ITCH: variants seen among roughly 807,000 people sequenced by gnomAD.
ITCH encodes the protein E3 ubiquitin-protein ligase Itchy homolog.
In ITCH, 28 loss-of-function variants were observed where a neutral mutation model predicts 126.8. The observed-to-expected ratio is 0.22, with a 90% CI of 0.16 to 0.30. The LOEUF is 0.30. Ranked by LOEUF, ITCH falls within the 10% of genes least tolerant of loss-of-function variation. The pLI is 1.00. For synonymous variants in ITCH, 342 were observed against 340.0 expected, an observed-to-expected ratio of 1.01 and a Z score of -0.06; for missense variants, 631 against 1,032.4, an observed-to-expected ratio of 0.61 and a Z score of 5.33.
intron 20 of ITCH, among the ~76,000 whole-genome samples, chr20:34,488,273 T>G (rs1167298826): frequency 6.6e-6 from 1 of 152,000 alleles, no homozygotes; most frequent in Non-Finnish European, 1.5e-5. Flanking sequence ...GAAAACATCT[T>G]TATTTCACCT....
At chr20:34,414,300 C>T (rs867304501) in intron 6 of ITCH, among the ~76,000 whole-genome samples, 5 of 151,914 alleles carry the variant, frequency 3.3e-5, no homozygotes, top group South Asian at 2.1e-4. Context: ...ATCACATTTG[C>T]CTCCATGAGT....
intron 14 of ITCH, among the ~76,000 whole-genome samples, chr20:34,462,494 C>T (rs963910968): frequency 2.0e-5 from 3 of 152,156 alleles, no homozygotes; most frequent in African/African-American, 7.2e-5. Flanking sequence ...TCTCTGATTT[C>T]TGATTTTCAG....
At chr20:34,405,141 CAA>C (rs1170286039) in intron 3 of ITCH, among the ~76,000 whole-genome samples, 17 of 58,216 alleles carry the variant, frequency 2.9e-4, no homozygotes, top group East Asian at 6.0e-4. Context: ...GACCCTGTCT[CAA>C]AAAAAAAAAA....
Position 34,489,251 on chromosome 20 carries a change from A to G in ITCH, c.2094-15A>G, listed in dbSNP as rs199791676. On this transcript the variant is annotated splice_polypyrimidine_tract_variant and intron_variant, in intron 20 of 24. Transcript: ENST00000374864. Reference sequence around the variant, plus strand: ...TCTAAACTTCCTGATAGGTTTTTTCATATTTGTTTGCCAGAATGGTAGCTG... The same window carrying G: ...TCTAAACTTCCTGATAGGTTTTTTCGTATTTGTTTGCCAGAATGGTAGCTG... 6 of 1,612,032 alleles carry G rather than the reference A, an allele frequency of 3.7e-6. No homozygotes were observed. Among genetic ancestry groups the G allele is most frequent in the South Asian group, 1.1e-5 (1 of 91,010 alleles).
intron 3 of ITCH, among the ~76,000 whole-genome samples, chr20:34,396,616 G>A (rs765878814): frequency 4.7e-5 from 7 of 150,522 alleles, no homozygotes; most frequent in Admixed American, 1.3e-4. Flanking sequence ...TGAAGTGATC[G>A]TGCCACCTCA....
intron 2 of ITCH, among the ~76,000 whole-genome samples, chr20:34,375,150 T>G (rs1293686031): frequency 1.3e-5 from 2 of 150,182 alleles, no homozygotes; most frequent in African/African-American, 4.9e-5. Context: ...CAAGCAATTC[T>G]CCTGCCTCAG....
At chr20:34,383,100 G>A (rs1029253259) in intron 2 of ITCH, among the ~76,000 whole-genome samples, 9 of 151,972 alleles carry the variant, frequency 5.9e-5, no homozygotes, top group Non-Finnish European at 8.8e-5. Context: ...GGAATGCAGT[G>A]GCATGATCAT....
intron 7 of ITCH, among the ~76,000 whole-genome samples, chr20:34,428,681 G>T (rs990832655): frequency 1.3e-5 from 2 of 152,042 alleles, no homozygotes; most frequent in African/African-American, 4.8e-5. Context: ...GCCTCCCGAA[G>T]TGTTGGGATT....
intron 1 of ITCH, among the ~76,000 whole-genome samples, chr20:34,367,402 G>C (rs948088769): frequency 3.3e-5 from 5 of 152,196 alleles, no homozygotes; most frequent in Non-Finnish European, 7.3e-5. Context: ...CCTCTAAAAA[G>C]TATTGATCTA....
rs1978824536 is a variant in ITCH at position 34,511,684 on chromosome 20, T to C, written c.*3890T>C. On this transcript the variant is annotated 3_prime_UTR_variant, in exon 25 of 25. Transcript: ENST00000374864. Reference sequence around the variant, plus strand: ...GCCTGGAAATGATCCCAAGACCAACTCAAAACTACAAAGTTTTCCAGAGCT... The same window carrying C: ...GCCTGGAAATGATCCCAAGACCAACCCAAAACTACAAAGTTTTCCAGAGCT... Among the ~76,000 whole-genome samples, 1 of 152,224 alleles carries C rather than the reference T, an allele frequency of 6.6e-6. No individual in the cohort carries two copies. Among genetic ancestry groups the C allele is most frequent in the Non-Finnish European group, 1.5e-5 (1 of 68,022 alleles).
At chr20:34,441,943 G>A (rs1983813822) in intron 9 of ITCH, 1 of 442,944 alleles carries the variant, frequency 2.3e-6, no homozygotes, top group Non-Finnish European at 4.2e-6. Flanking sequence ...CGGTATCCTA[G>A]GTAGACGGAC....
rs1166352665 is a variant in ITCH at position 34,503,898 on chromosome 20, T to TC, written c.2417-433_2417-432insC. ...TTTTTTTTTTTGGTTTTTTTTTTTT[T>TC]TGAGATAGGGTCTCGTTCTGTCACC... On this transcript the variant is annotated intron_variant, in intron 23 of 24. Transcript: ENST00000374864. Among the ~76,000 whole-genome samples, 4 of 148,446 alleles carry TC rather than the reference T, an allele frequency of 2.7e-5. 1 individual carries two copies. Among genetic ancestry groups the TC allele is most frequent in the Admixed American group, 6.7e-5 (1 of 14,980 alleles).
At chr20:34,435,342 T>C (rs528432459) in intron 7 of ITCH, among the ~76,000 whole-genome samples, 14 of 152,280 alleles carry the variant, frequency 9.2e-5, no homozygotes, top group African/African-American at 2.9e-4. Context: ...CTAATTTTTG[T>C]ATTTTTAGTA....
chr20:34,454,438 A>G (rs576597419), intron 12 of ITCH: 5 of 152,132 alleles, frequency 3.3e-5, no homozygotes, highest in African/African-American at 9.6e-5. Context: ...CGCCCGGCCT[A>G]TGTTTTTCTT....
chr20:34,373,533 C>T (rs918631201), intron 2 of ITCH, among the ~76,000 whole-genome samples: 2 of 152,152 alleles, frequency 1.3e-5, no homozygotes, highest in Non-Finnish European at 2.9e-5. Context: ...GCCTTGGCCT[C>T]CCAAAGTGCT....
Position 34,470,566 on chromosome 20 carries a change from A to G in ITCH, c.1497+446A>G, listed in dbSNP as rs753126951. 7.9e-5 allele frequency among the ~76,000 whole-genome samples: 12 copies of G among 152,216 alleles called. No homozygotes were observed. The East Asian group carries it at 1.9e-3, about 24-fold the overall frequency. On this transcript the variant is annotated intron_variant, in intron 15 of 24. Coordinates refer to ENST00000374864, the MANE Select transcript of ITCH (RefSeq NM_031483.7). ...CAAATGTAAGTAAAAGCATTTTCTG[A>G]TATAATTTTAACCAGCTACTTTATT...
chr20:34,462,961 T>TG (rs1358258076), intron 14 of ITCH, among the ~76,000 whole-genome samples: 1 of 152,254 alleles, frequency 6.6e-6, no homozygotes, highest in Non-Finnish European at 1.5e-5. Context: ...AGCTGAATAA[T>TG]ATTCCAGTGT....
At chr20:34,416,514 C>A (rs1019492349) in intron 6 of ITCH, among the ~76,000 whole-genome samples, 3 of 152,098 alleles carry the variant, frequency 2.0e-5, no homozygotes, top group African/African-American at 7.2e-5. Flanking sequence ...TTTGTTTGGA[C>A]CTTTGGGGGG....
chr20:34,369,432 C>T lies in ITCH; in HGVS notation c.-60C>T, dbSNP rs6059785. The T allele has an allele frequency of 5.0e-6, 2 of 399,084 alleles. No individual in the cohort carries two copies. Among genetic ancestry groups the T allele is most frequent in the Non-Finnish European group, 8.8e-6 (2 of 226,094 alleles). The allele number at this position is 399,084 out of a possible 1,614,324, so 24.7% of individuals were successfully genotyped here. A position where few individuals can be genotyped will look rare whatever the true frequency, so the allele number is the denominator to read the frequency against. ...CACGGTGGCCTTGTGGAGACAACGC[C>T]TTAACCCAAGGAAGTGACTCAAACT... On this transcript the variant is annotated 5_prime_UTR_variant, in exon 2 of 25. Coordinates refer to ENST00000374864, the MANE Select transcript of ITCH (RefSeq NM_031483.7).
Sources: gnomAD v4.1 joint callset for allele counts (sites outside exome capture counted in the v4.1 genomes callset) on GRCh38, gnomAD v4.1.1 for gene constraint, MANE v1.5 for transcripts, NCBI Gene and HGNC (gene_info 2026-07-23, HGNC 2026-07-21) for gene names.